Variants in HIVEP2 observed in about 807,000 individuals in gnomAD.
HIVEP2 encodes HIVEP zinc finger 2, also known as transcription factor HIVEP2.
HIVEP2 carries 14 observed loss-of-function variants against 180.7 expected under a neutral mutation model. That is an observed-to-expected ratio of 0.08 (90% CI 0.05 to 0.12). The LOEUF (loss-of-function observed/expected upper bound fraction) is 0.12, where lower values mean the gene tolerates loss of function less well. Ranked by LOEUF, HIVEP2 falls within the 10% of genes least tolerant of loss-of-function variation. The probability of loss-of-function intolerance (pLI) is 1.00; values close to 1 mark genes in which losing one functional copy is unlikely to be tolerated. For missense variants in HIVEP2, 2,579 were observed against 3,008.5 expected, an observed-to-expected ratio of 0.86 and a Z score of 3.34; for synonymous variants, 1,184 against 1,136.4, an observed-to-expected ratio of 1.04 and a Z score of -0.84.
chr6:142,935,888 A>G (rs1778042535), intron 1 of HIVEP2, among the ~76,000 whole-genome samples: 1 of 152,176 alleles, frequency 6.6e-6, no homozygotes, highest in Admixed American at 6.5e-5. Context: ...TTAAAAATAT[A>G]AACTCTGAAT....
chr6:142,768,524 C>T lies in HIVEP2; in HGVS notation c.5200G>A (p.Ala1734Thr), dbSNP rs1775431507. ...WKQFTQMKPDASFLFGSKLER... is the reference protein window; with the variant it reads ...WKQFTQMKPDTSFLFGSKLER... ...AGTTTGCTGCCAAATAAAAAGGACG[C>T]ATCAGGTTTCATCTGTAAGACAAGA... is the stretch of plus-strand genomic sequence containing the variant. Residue 1734 changes from alanine (A) to threonine (T), a missense_variant, in exon 6 of 10, where the codon GCG becomes ACG. By Grantham distance (58) the Ala-to-Thr change is moderately conservative. This residue lies in a region of HIVEP2 where 349 missense variants were observed against 367.2 expected (regional missense o/e 0.95). Transcript: ENST00000367603. The T allele has an allele frequency of 6.2e-7, 1 of 1,612,958 alleles. No homozygotes were observed. The highest frequency in any genetic ancestry group is 1.3e-5 in the African/African-American group (1 of 74,828).
intron 2 of HIVEP2, among the ~76,000 whole-genome samples, chr6:142,830,660 AC>A: frequency 6.6e-6 from 1 of 152,340 alleles, no homozygotes; most frequent in South Asian, 2.1e-4. Flanking sequence ...AAAGTAAAGT[AC>A]TATAAAATAC....
At chr6:142,824,917 C>T (rs1774838353) in intron 2 of HIVEP2, among the ~76,000 whole-genome samples, 1 of 152,042 alleles carries the variant, frequency 6.6e-6, no homozygotes, top group East Asian at 1.9e-4. Context: ...ATTTCCCTAC[C>T]CGACACTAAA....
In HIVEP2 at chr6:142,931,678, G is replaced by A. The variant is rs567614243; in HGVS notation, c.-641+13421C>T. 2.2e-4 allele frequency among the ~76,000 whole-genome samples: 33 copies of A among 152,142 alleles called. 1 individual carries two copies. The highest frequency in any genetic ancestry group is 1.6e-3 in the Admixed American group (24 of 15,292). ...TCTATGCAAAATACATATACTCCTT[G>A]CTACTTATAAATGCAGTTGAATTTT... On this transcript the variant is annotated intron_variant, in intron 1 of 9. Coordinates refer to ENST00000367603, the MANE Select transcript of HIVEP2 (RefSeq NM_006734.4).
At chr6:142,798,418 C>T (rs976638451) in intron 2 of HIVEP2, among the ~76,000 whole-genome samples, 12 of 152,108 alleles carry the variant, frequency 7.9e-5, no homozygotes, top group Admixed American at 5.9e-4. Context: ...TAGATAGTTC[C>T]TGTCAAGTTC....
chr6:142,845,007 A>G (rs1216438863), intron 1 of HIVEP2, among the ~76,000 whole-genome samples: 2 of 152,212 alleles, frequency 1.3e-5, no homozygotes, highest in African/African-American at 2.4e-5. Flanking sequence ...TAACCTGGAC[A>G]TGGGGTCTTT....
At position 142,810,542 on chromosome 6, in the gene HIVEP2, ACTT is replaced by A. The variant is rs1776666569; in HGVS notation, c.-528+26390_-528+26392del. Reference sequence around the variant, plus strand: ...CTTTGGGAGGCCAGGGGGGCAAATCACTTGAGGACAGGAGTTTGTGGTCAGTAT... The same window carrying A: ...CTTTGGGAGGCCAGGGGGGCAAATCAGAGGACAGGAGTTTGTGGTCAGTAT... On this transcript the variant is annotated intron_variant, in intron 2 of 9. Coordinates refer to ENST00000367603, the MANE Select transcript of HIVEP2 (RefSeq NM_006734.4). Among the ~76,000 whole-genome samples the A allele has an allele frequency of 2.0e-5, 3 of 152,076 alleles. No individual in the cohort carries two copies. The South Asian group carries it at 6.2e-4, about 32-fold the overall frequency.
chr6:142,900,809 A>AAAACT (rs1357073156), intron 1 of HIVEP2, among the ~76,000 whole-genome samples: 2 of 152,254 alleles, frequency 1.3e-5, no homozygotes, highest in Non-Finnish European at 1.5e-5. Flanking sequence ...ACACATAAAA[A>AAAACT]TGCGTGGGCA....
chr6:142,849,319 G>A (rs1582910896), intron 1 of HIVEP2, among the ~76,000 whole-genome samples: 2 of 152,284 alleles, frequency 1.3e-5, no homozygotes, highest in South Asian at 4.1e-4. Flanking sequence ...AGGCGGAAAA[G>A]AGGAAAACCA....
At chr6:142,781,517 C>T (rs1359237457) in intron 3 of HIVEP2, among the ~76,000 whole-genome samples, 2 of 152,150 alleles carry the variant, frequency 1.3e-5, no homozygotes, top group Admixed American at 1.3e-4. Flanking sequence ...GATGCTGCTA[C>T]AGCCCACAGG....
chr6:142,918,497 A>G (rs1293059288), intron 1 of HIVEP2, among the ~76,000 whole-genome samples: 1 of 152,182 alleles, frequency 6.6e-6, no homozygotes, highest in African/African-American at 2.4e-5. Context: ...TCCTAACGAC[A>G]GCATCTGGAT....
chr6:142,795,907 T>C (rs1776266137), intron 2 of HIVEP2, among the ~76,000 whole-genome samples: 1 of 152,186 alleles, frequency 6.6e-6, no homozygotes, highest in South Asian at 2.1e-4. Context: ...AGATCCCATC[T>C]GCCATGGACA....
In HIVEP2 at chr6:142,753,232, G is replaced by A. The variant is rs368977482; in HGVS notation, c.7216C>T (p.His2406Tyr). The A allele has an allele frequency of 2.4e-4, 384 of 1,613,992 alleles. No individual in the cohort carries two copies. The highest frequency in any genetic ancestry group is 3.2e-4 in the Non-Finnish European group (373 of 1,179,944). Residue 2406 changes from histidine (H) to tyrosine (Y), a missense_variant, in exon 10 of 10, where the codon CAC (histidine) becomes TAC (tyrosine). Physicochemically the swap from His to Tyr is moderately conservative, Grantham distance 83. Coordinates refer to ENST00000367603, the MANE Select transcript of HIVEP2 (RefSeq NM_006734.4). ...CAACTCTTGCTGTAAAACGTGGAGT[G>A]AGCTAATGGAGTCTGTGATGTACCA... is the stretch of plus-strand genomic sequence containing the variant. ...NFGTSQTPLA[H>Y]STFYSKSCVD...
chr6:142,798,680 G>T (rs998023791), intron 2 of HIVEP2, among the ~76,000 whole-genome samples: 1 of 152,140 alleles, frequency 6.6e-6, no homozygotes, highest in African/African-American at 2.4e-5. Flanking sequence ...TCATGCAGAT[G>T]GGGTTGATTG....
intron 2 of HIVEP2, among the ~76,000 whole-genome samples, chr6:142,785,430 G>T (rs747488106): frequency 3.3e-5 from 5 of 150,226 alleles, no homozygotes; most frequent in Non-Finnish European, 5.9e-5. Context: ...TAAAGATGCA[G>T]ATATTTATAC....
intron 2 of HIVEP2, among the ~76,000 whole-genome samples, chr6:142,813,942 T>A (rs1400202212): frequency 6.6e-6 from 1 of 152,002 alleles, no homozygotes; most frequent in East Asian, 1.9e-4. Context: ...AGCAGATCCA[T>A]GCTGGTCACT....
At chr6:142,877,757 A>G (rs936894249) in intron 1 of HIVEP2, among the ~76,000 whole-genome samples, 1 of 152,232 alleles carries the variant, frequency 6.6e-6, no homozygotes, top group African/African-American at 2.4e-5. Context: ...CAGCCTCCTG[A>G]GAAACTATGC....
chr6:142,878,288 A>G (rs916712040), intron 1 of HIVEP2, among the ~76,000 whole-genome samples: 4 of 152,138 alleles, frequency 2.6e-5, no homozygotes, highest in African/African-American at 7.2e-5. Flanking sequence ...TAGCTAACAA[A>G]TGTTCCCAAT....
intron 1 of HIVEP2, among the ~76,000 whole-genome samples, chr6:142,882,911 C>T (rs1474864568): frequency 3.9e-5 from 6 of 152,078 alleles, no homozygotes; most frequent in African/African-American, 1.4e-4. Context: ...CACATATTAA[C>T]CAGGAAACTC....
Sources: allele counts gnomAD v4.1 joint callset (sites outside exome capture counted in the v4.1 genomes callset), GRCh38; gene constraint gnomAD v4.1.1; regional missense constraint gnomAD v4.1.1; transcripts MANE v1.5; gene names NCBI Gene and HGNC (gene_info 2026-07-23, HGNC 2026-07-21).